FER: variants seen among roughly 807,000 people sequenced by gnomAD.
FER encodes tyrosine-protein kinase Fer.
Under a neutral mutation model 111.0 loss-of-function variants are expected in FER, and 63 were observed. The observed-to-expected ratio is 0.57, with a 90% CI of 0.46 to 0.70. The LOEUF is 0.70. Ranked by LOEUF, FER falls within the 30% of genes least tolerant of loss-of-function variation. The pLI, the probability that FER is intolerant of heterozygous loss-of-function variation, is 0.00. For synonymous variants in FER, 327 were observed against 313.9 expected, an observed-to-expected ratio of 1.04 and a Z score of -0.44; for missense variants, 914 against 954.0, an observed-to-expected ratio of 0.96 and a Z score of 0.55.
At chr5:109,157,416 G>A (rs949698447) in intron 17 of FER, among the ~76,000 whole-genome samples, 1 of 152,016 alleles carries the variant, frequency 6.6e-6, no homozygotes, top group Non-Finnish European at 1.5e-5. Flanking sequence ...GTCATGCCTG[G>A]ACTGTCATTT....
At chr5:109,102,910 C>G (rs1748430770) in intron 17 of FER, among the ~76,000 whole-genome samples, 1 of 151,846 alleles carries the variant, frequency 6.6e-6, no homozygotes, top group South Asian at 2.1e-4. Context: ...TATGTGCCAG[C>G]CTACATAGTT....
chr5:109,055,753 C>T (rs1201347512), intron 16 of FER, among the ~76,000 whole-genome samples: 2 of 128,980 alleles, frequency 1.6e-5, no homozygotes, highest in East Asian at 4.9e-4. Flanking sequence ...TGCCACTGAT[C>T]ACAACAGATG....
At chr5:109,082,362 T>C (rs1245878479) in intron 16 of FER, among the ~76,000 whole-genome samples, 1 of 151,988 alleles carries the variant, frequency 6.6e-6, no homozygotes, top group East Asian at 1.9e-4. Context: ...AAATGTCAAA[T>C]GCATGTCCTT....
intron 3 of FER, among the ~76,000 whole-genome samples, chr5:108,821,814 A>G (rs982548179): frequency 3.3e-5 from 5 of 152,198 alleles, no homozygotes; most frequent in Middle Eastern, 3.4e-3. Context: ...AAGTTAATTA[A>G]CTTATCTGTC....
chr5:109,123,850 A>G (rs1245023645), intron 17 of FER, among the ~76,000 whole-genome samples: 1 of 152,180 alleles, frequency 6.6e-6, no homozygotes, highest in East Asian at 1.9e-4. Flanking sequence ...GTTATTGAAC[A>G]TCTTAGTATC....
At position 109,186,294 on chromosome 5, in the gene FER, T is replaced by C; in HGVS notation, c.2298T>C (p.Asn766=). The change falls in exon 19 of 20, where the codon AAT becomes AAC. Residue 766 remains asparagine, a synonymous_variant. Coordinates refer to ENST00000281092, the MANE Select transcript of FER (RefSeq NM_005246.4). ...LGVCPYPGMT[N]QQAREQVERG... is the part of the protein sequence containing the mutation. Reference sequence around the variant, plus strand: ...TTTGTCCGTACCCTGGAATGACAAATCAGCAAGCAAGAGAGCAAGTAGAAA... The same window carrying C: ...TTTGTCCGTACCCTGGAATGACAAACCAGCAAGCAAGAGAGCAAGTAGAAA... The C allele has an allele frequency of 6.2e-7, 1 of 1,614,022 alleles. No individual in the cohort carries two copies.
chr5:108,893,007 G>A (rs182109061), intron 9 of FER, among the ~76,000 whole-genome samples: 2 of 152,236 alleles, frequency 1.3e-5, no homozygotes, highest in East Asian at 1.9e-4. Flanking sequence ...TGAGGGCTCT[G>A]TTCTGTTCCA....
At chr5:108,826,081 A>C (rs1203900786) in intron 3 of FER, among the ~76,000 whole-genome samples, 1 of 152,132 alleles carries the variant, frequency 6.6e-6, no homozygotes, top group Non-Finnish European at 1.5e-5. Context: ...TCTAGCCTTT[A>C]TTATGTTGAG....
intron 1 of FER, among the ~76,000 whole-genome samples, chr5:108,766,550 A>T (rs1294225966): frequency 6.6e-6 from 1 of 152,236 alleles, no homozygotes; most frequent in Non-Finnish European, 1.5e-5. Flanking sequence ...GCTTTGCTAT[A>T]TCTAGAAGGG....
intron 17 of FER, among the ~76,000 whole-genome samples, chr5:109,124,116 C>A (rs74960397): frequency 1.3e-5 from 2 of 152,112 alleles, no homozygotes; most frequent in East Asian, 3.9e-4. Flanking sequence ...GTAATCCCAG[C>A]TACAAAAGGC....
At chr5:108,797,980 C>T (rs1756226226) in intron 2 of FER, 144 bp from the exon 3 acceptor site, 2 of 484,586 alleles carry the variant, frequency 4.1e-6, no homozygotes, top group South Asian at 3.4e-5. Flanking sequence ...TGGACTTCTT[C>T]ATCTTGTTTC....
At chr5:108,993,600 AGGGC>A in intron 13 of FER, among the ~76,000 whole-genome samples, 3 of 113,908 alleles carry the variant, frequency 2.6e-5, no homozygotes, top group Admixed American at 1.7e-4. Context: ...GGAGAGGGCG[AGGGC>A]GAGGGAGAGG....
intron 14 of FER, among the ~76,000 whole-genome samples, chr5:109,038,584 T>G (rs1770720773): frequency 6.6e-6 from 1 of 151,984 alleles, no homozygotes; most frequent in African/African-American, 2.4e-5. Flanking sequence ...ATTGGCATAT[T>G]TAGTAAGTGA....
intron 3 of FER, among the ~76,000 whole-genome samples, chr5:108,831,544 G>T (rs1022699884): frequency 2.0e-5 from 3 of 152,038 alleles, no homozygotes; most frequent in African/African-American, 4.8e-5. Context: ...TGGGTTTATA[G>T]GCCGCACATA....
At chr5:108,932,492 G>A (rs1354886103) in intron 10 of FER, among the ~76,000 whole-genome samples, 2 of 152,164 alleles carry the variant, frequency 1.3e-5, no homozygotes, top group African/African-American at 4.8e-5. Context: ...ACATTTGCAT[G>A]TGTCTTTATA....
chr5:109,065,980 G>T (rs139477306), intron 16 of FER, among the ~76,000 whole-genome samples: 1,898 of 152,208 alleles, frequency 0.012, 19 homozygotes, highest in Non-Finnish European at 0.02. Context: ...GATAATATCC[G>T]CATTCAAAAT....
chr5:108,863,099 A>G (rs1763692540), intron 5 of FER, among the ~76,000 whole-genome samples: 2 of 152,120 alleles, frequency 1.3e-5, no homozygotes, highest in Non-Finnish European at 2.9e-5. Flanking sequence ...TGGGCTGGCC[A>G]TAGATATGTC....
intron 2 of FER, among the ~76,000 whole-genome samples, chr5:108,773,422 C>A (rs1042951947): frequency 6.6e-6 from 1 of 152,122 alleles, no homozygotes; most frequent in Non-Finnish European, 1.5e-5. Context: ...GTTCAGCTCC[C>A]ACTTAGGAGT....
chr5:108,920,044 CATT>C (rs1752820946), intron 10 of FER, among the ~76,000 whole-genome samples: 1 of 135,424 alleles, frequency 7.4e-6, no homozygotes, highest in South Asian at 2.6e-4. Flanking sequence ...TTAGTATTTT[CATT>C]TCAGAGACTA....
Sources: gnomAD v4.1 joint callset for allele counts (sites outside exome capture counted in the v4.1 genomes callset) on GRCh38, gnomAD v4.1.1 for gene constraint, MANE v1.5 for transcripts, NCBI Gene and HGNC (gene_info 2026-07-23, HGNC 2026-07-21) for gene names.